The following PARD3 variants were observed in gnomAD, a reference collection of about 807,000 sequenced individuals.
PARD3 encodes par-3 family cell polarity regulator, also known as partitioning defective 3 homolog.
In PARD3, 75 loss-of-function variants were observed where a neutral mutation model predicts 155.4. The ratio of observed to expected loss-of-function variants is 0.48; its 90% CI spans 0.40 to 0.58. The LOEUF is 0.58. Ranked by LOEUF, PARD3 falls within the 20% of genes least tolerant of loss-of-function variation. The pLI, the probability that PARD3 is intolerant of heterozygous loss-of-function variation, is 0.00. For missense variants in PARD3, 1,642 were observed against 1,721.7 expected (o/e 0.95, Z 0.82); for synonymous variants, 576 against 610.5 (o/e 0.94, Z 0.83).
At position 34,718,147 on chromosome 10, in the gene PARD3, CTCA is replaced by C. The variant is rs1564541741; in HGVS notation, c.121-21731_121-21729del. On this transcript the variant is annotated intron_variant, in intron 1 of 24. Coordinates refer to ENST00000374788, the MANE Select transcript of PARD3 (RefSeq NM_001184785.2). ...CCAGCCTGGGTAACAGAGACTCCATCTCAAAAAAAAAAAAAAAAAAAATCAATT... is the reference window on the plus strand; with the variant it reads ...CCAGCCTGGGTAACAGAGACTCCATCAAAAAAAAAAAAAAAAAAATCAATT... Among the ~76,000 whole-genome samples, 69 of 98,150 alleles carry C rather than the reference CTCA, an allele frequency of 7.0e-4. No homozygotes were observed. The East Asian group carries it at 0.013, about 18-fold the overall frequency. The allele number at this position is 98,150 out of a possible 152,430, so 64.4% of individuals were successfully genotyped here.
chr10:34,406,814 T>TGCGCCAGGAGAAAAAAAATC (rs1844526823), intron 5 of PARD3, among the ~76,000 whole-genome samples: 1 of 151,408 alleles, frequency 6.6e-6, no homozygotes, highest in African/African-American at 2.4e-5. Flanking sequence ...AAAAAAAAAT[T>TGCGCCAGGAGAAAAAAAATC]GCCCCAGGAG....
chr10:34,689,300 C>A (rs901311453), intron 2 of PARD3, among the ~76,000 whole-genome samples: 2 of 152,146 alleles, frequency 1.3e-5, no homozygotes, highest in African/African-American at 2.4e-5. Context: ...ATCACACGAT[C>A]CCTCAGTCTG....
At chr10:34,128,142 G>A (rs1394547012) in intron 23 of PARD3, among the ~76,000 whole-genome samples, 1 of 152,120 alleles carries the variant, frequency 6.6e-6, no homozygotes, top group Non-Finnish European at 1.5e-5. Context: ...ATCCCACATT[G>A]CCAGTTGCCC....
At chr10:34,576,079 G>T (rs143301731) in intron 2 of PARD3, among the ~76,000 whole-genome samples, 12 of 152,272 alleles carry the variant, frequency 7.9e-5, no homozygotes, top group Non-Finnish European at 1.6e-4. Context: ...AGTCTTGAAT[G>T]AATAAGCAGC....
rs138639336 is a variant in PARD3, at chr10:34,631,955, T to C, written c.222+64363A>G. On this transcript the variant is annotated intron_variant, in intron 2 of 24. Coordinates refer to ENST00000374788, the MANE Select transcript of PARD3 (RefSeq NM_001184785.2). ...TTTTTTAAGTGACAAAGTTGTCCAT[T>C]TTTAGGTCTCTCGTATTGATGTTTA... Among the ~76,000 whole-genome samples the C allele has an allele frequency of 1.4e-4, 21 of 152,282 alleles. 1 individual carries two copies. The highest frequency in any genetic ancestry group is 5.1e-4 in the African/African-American group (21 of 41,554).
intron 2 of PARD3, among the ~76,000 whole-genome samples, chr10:34,654,507 C>G (rs918225316): frequency 1.9e-4 from 29 of 152,212 alleles, no homozygotes; most frequent in African/African-American, 6.5e-4. Flanking sequence ...ATATCTATAA[C>G]TCTCTACAGA....
At chr10:34,743,203 G>T (rs2095050108) in intron 1 of PARD3, among the ~76,000 whole-genome samples, 1 of 152,118 alleles carries the variant, frequency 6.6e-6, no homozygotes, top group Non-Finnish European at 1.5e-5. Context: ...CAAAGGCATG[G>T]CAGAGCTCCA....
chr10:34,315,265 T>C (rs1038395626), intron 20 of PARD3, among the ~76,000 whole-genome samples: 23 of 152,170 alleles, frequency 1.5e-4, no homozygotes, highest in African/African-American at 5.3e-4. Flanking sequence ...ACAATACACA[T>C]TTCTCCCACA....
chr10:34,534,842 C>T (rs1047304407), intron 2 of PARD3, among the ~76,000 whole-genome samples: 6 of 152,138 alleles, frequency 3.9e-5, no homozygotes, highest in African/African-American at 1.4e-4. Context: ...AAAACCATGT[C>T]TCTACTAAAA....
At chr10:34,153,980 G>A (rs1948888375) in intron 22 of PARD3, among the ~76,000 whole-genome samples, 2 of 152,272 alleles carry the variant, frequency 1.3e-5, no homozygotes, top group South Asian at 2.1e-4. Flanking sequence ...TGGGAAGTGA[G>A]TACCCTTTCT....
At chr10:34,755,156 T>C (rs896733374) in intron 1 of PARD3, among the ~76,000 whole-genome samples, 3 of 150,338 alleles carry the variant, frequency 2.0e-5, no homozygotes, top group African/African-American at 7.3e-5. Flanking sequence ...GATCCCAGCA[T>C]TTTGGGAGGC....
At chr10:34,514,473 G>A (rs913815186) in intron 3 of PARD3, among the ~76,000 whole-genome samples, 23 of 152,064 alleles carry the variant, frequency 1.5e-4, no homozygotes, top group Admixed American at 9.8e-4. Context: ...TTAATGCGGT[G>A]GCAAAAATCA....
At chr10:34,552,711 T>C (rs2084683800) in intron 2 of PARD3, among the ~76,000 whole-genome samples, 2 of 101,238 alleles carry the variant, frequency 2.0e-5, no homozygotes, top group South Asian at 5.6e-4. Context: ...CAAAACTCCA[T>C]CTCAAAAAAA....
chr10:34,749,526 G>T (rs1487089124), intron 1 of PARD3, among the ~76,000 whole-genome samples: 1 of 151,214 alleles, frequency 6.6e-6, no homozygotes. Context: ...AACATAATAA[G>T]AAAAAACTGA....
At chr10:34,132,177 AT>A (rs1437276288) in intron 22 of PARD3, among the ~76,000 whole-genome samples, 8 of 152,250 alleles carry the variant, frequency 5.3e-5, no homozygotes, top group Non-Finnish European at 7.3e-5. Context: ...AATGAAAAAC[AT>A]TTTAAAAATA....
At chr10:34,534,237 G>A (rs2083063035) in intron 2 of PARD3, among the ~76,000 whole-genome samples, 1 of 151,474 alleles carries the variant, frequency 6.6e-6, no homozygotes, top group South Asian at 2.1e-4. Context: ...CTGCACTCCA[G>A]CCTGGGTGAC....
At chr10:34,784,966 T>A (rs1347342057) in intron 1 of PARD3, among the ~76,000 whole-genome samples, 1 of 152,200 alleles carries the variant, frequency 6.6e-6, no homozygotes, top group African/African-American at 2.4e-5. Flanking sequence ...AGAAATCTCA[T>A]CACTAAGTTT....
At chr10:34,431,494 C>T (rs978088439) in intron 5 of PARD3, among the ~76,000 whole-genome samples, 13 of 152,284 alleles carry the variant, frequency 8.5e-5, no homozygotes, top group African/African-American at 2.9e-4. Context: ...GTAATCCCAG[C>T]ACTTTGGGAG....
intron 2 of PARD3, among the ~76,000 whole-genome samples, chr10:34,672,547 T>A (rs1001512023): frequency 6.6e-6 from 1 of 152,182 alleles, no homozygotes; most frequent in East Asian, 1.9e-4. Flanking sequence ...GCCCAGTGCA[T>A]TGGCTCATGC....
Sources: allele counts gnomAD v4.1 joint callset (sites outside exome capture counted in the v4.1 genomes callset), GRCh38; gene constraint gnomAD v4.1.1; transcripts MANE v1.5; gene names NCBI Gene and HGNC (gene_info 2026-07-23, HGNC 2026-07-21).